CELF2: variants seen among roughly 807,000 people sequenced by gnomAD.
CELF2 encodes the protein CUGBP Elav-like family member 2, also known as CUG triplet repeat RNA-binding protein 2.
In CELF2, 8 loss-of-function variants were observed where a neutral mutation model predicts 62.6. The observed-to-expected ratio is 0.13, with a 90% CI of 0.07 to 0.23. The LOEUF is 0.23. Ranked by LOEUF, CELF2 falls within the 10% of genes least tolerant of loss-of-function variation. CELF2 has a pLI of 1.00. For synonymous variants in CELF2, 258 were observed against 250.0 expected, an observed-to-expected ratio of 1.03 and a Z score of -0.30; for missense variants, 333 against 671.0, an observed-to-expected ratio of 0.50 and a Z score of 5.56.
intron 2 of CELF2, among the ~76,000 whole-genome samples, chr10:10,978,320 T>A (rs993786211): frequency 6.6e-6 from 1 of 152,200 alleles, no homozygotes; most frequent in African/African-American, 2.4e-5. Context: ...GTTCTAATAA[T>A]GTAAGTCTTG....
intron 2 of CELF2, among the ~76,000 whole-genome samples, chr10:11,195,392 A>G (rs1320436680): frequency 2.0e-5 from 3 of 152,172 alleles, no homozygotes; most frequent in African/African-American, 7.2e-5. Flanking sequence ...TGCTTTTGCT[A>G]CATGAAGTCA....
Position 10,995,670 on chromosome 10 carries a change from G to A in CELF2, c.89+75671G>A, listed in dbSNP as rs1308070514. 6.6e-6 allele frequency among the ~76,000 whole-genome samples: 1 copy of A among 152,186 alleles called. No individual in the cohort carries two copies. Among genetic ancestry groups the A allele is most frequent in the Admixed American group, 6.5e-5 (1 of 15,276 alleles). On this transcript the variant is annotated intron_variant, in intron 2 of 13. Coordinates refer to the CELF2 transcript ENST00000636488. This position sits in a 1 kb window ranked among gnomAD's most constrained non-coding sequence, Gnocchi z 4.7. ...TTCAAAGAGTTGTAAGCGGGAGACA[G>A]CTATGACCATATTTCAGTATTAAAT...
the CELF2 span, among the ~76,000 whole-genome samples, chr10:10,598,664 A>AATTC: frequency 3.9e-4 from 59 of 152,220 alleles, no homozygotes; most frequent in African/African-American, 1.4e-3. Context: ...GAAACTAAAG[A>AATTC]ATTCAGACCT....
At position 11,300,497 on chromosome 10, in the gene CELF2, G is replaced by A. The variant is rs1408882039; in HGVS notation, c.976+11945G>A. 3.3e-5 allele frequency among the ~76,000 whole-genome samples: 5 copies of A among 152,230 alleles called. No individual in the cohort carries two copies. Among genetic ancestry groups the A allele is most frequent in the Non-Finnish European group, 7.3e-5 (5 of 68,032 alleles). On this transcript the variant is annotated intron_variant, in intron 9 of 12. Coordinates refer to ENST00000633077, the MANE Select transcript of CELF2 (RefSeq NM_001326342.2). The surrounding 1 kb of genome is among the most constrained non-coding windows in gnomAD (Gnocchi z 5.5). The stretch of plus-strand genomic sequence containing the variant: ...GAGTGTGAGGTCACACCTCACCACT[G>A]CAGCGCCCAGTGTCACTTTCCAACC...
the CELF2 span, among the ~76,000 whole-genome samples, chr10:10,621,323 T>G: frequency 5.9e-5 from 9 of 151,896 alleles, no homozygotes; most frequent in African/African-American, 1.9e-4. Context: ...ATGTGCAGTG[T>G]AAACATCAGA....
intron 9 of CELF2, among the ~76,000 whole-genome samples, chr10:11,298,966 G>C (rs942644161): frequency 6.6e-6 from 1 of 152,212 alleles, no homozygotes; most frequent in Non-Finnish European, 1.5e-5. Context: ...TGGAAAACAA[G>C]TATCTCCCCA....
At chr10:11,054,738 G>A (rs1436959742) in intron 1 of CELF2, among the ~76,000 whole-genome samples, 2 of 151,790 alleles carry the variant, frequency 1.3e-5, no homozygotes, top group Middle Eastern at 3.4e-3. Flanking sequence ...TTTTTTCTTT[G>A]GAGTCTTGCT....
chr10:10,693,482 T>G, the CELF2 span, among the ~76,000 whole-genome samples: 1 of 151,954 alleles, frequency 6.6e-6, no homozygotes, highest in African/African-American at 2.4e-5. Flanking sequence ...TTTTTTTGGC[T>G]GTGTCTCTGC....
At chr10:10,846,930 T>C (rs11256863) in intron 1 of CELF2, among the ~76,000 whole-genome samples, 10,192 of 152,222 alleles carry the variant, frequency 0.067, 471 homozygotes, top group East Asian at 0.21. Flanking sequence ...CTGTTTGTAA[T>C]GCCTTCTTGC....
At chr10:10,781,352 A>G in the CELF2 span, among the ~76,000 whole-genome samples, 2 of 152,220 alleles carry the variant, frequency 1.3e-5, no homozygotes, top group Non-Finnish European at 2.9e-5. Context: ...GTCTGTTCTC[A>G]TGCTGCAAAT....
the CELF2 span, among the ~76,000 whole-genome samples, chr10:10,706,462 A>G: frequency 5.3e-5 from 8 of 152,282 alleles, 1 homozygote; most frequent in East Asian, 1.2e-3. Flanking sequence ...AGCATCCTCT[A>G]TCAACATCCT....
At chr10:11,261,068 AC>A (rs2080392362) in intron 5 of CELF2, among the ~76,000 whole-genome samples, 1 of 152,236 alleles carries the variant, frequency 6.6e-6, no homozygotes, top group Non-Finnish European at 1.5e-5. Flanking sequence ...GTACCTTCTA[AC>A]ACAAAACCAG....
In CELF2 at chr10:11,335,951, T is replaced by C. The variant is rs2096111656; in HGVS notation, c.*6898T>C. Reference sequence around the variant, plus strand: ...AGTTCCTTTAAGCACTTACTGACTGTAAAGTTGGTCCCTGCTTAAATTCAT... The same window carrying C: ...AGTTCCTTTAAGCACTTACTGACTGCAAAGTTGGTCCCTGCTTAAATTCAT... On this transcript the variant is annotated 3_prime_UTR_variant, in exon 13 of 13. Transcript: ENST00000633077. The surrounding 1 kb of genome is among the most constrained non-coding windows in gnomAD (Gnocchi z 5.0). 6.6e-6 allele frequency: 1 copy of C among 152,246 alleles called. No homozygotes were observed. The highest frequency in any genetic ancestry group is 2.4e-5 in the African/African-American group (1 of 41,460). 9.4% of individuals were successfully genotyped at this position (152,246 alleles called of 1,614,324 possible). A position where few individuals can be genotyped will look rare whatever the true frequency, so the allele number is the denominator to read the frequency against.
the CELF2 span, among the ~76,000 whole-genome samples, chr10:10,770,903 C>T: frequency 1.3e-5 from 2 of 152,246 alleles, no homozygotes; most frequent in Admixed American, 1.3e-4. Flanking sequence ...GTCAGAGTCA[C>T]CTGTGGTGCT....
the CELF2 span, among the ~76,000 whole-genome samples, chr10:10,688,924 A>G: frequency 6.6e-6 from 1 of 152,064 alleles, no homozygotes; most frequent in Non-Finnish European, 1.5e-5. Flanking sequence ...GAATTGCTTG[A>G]GCCCAGGAAT....
the CELF2 span, among the ~76,000 whole-genome samples, chr10:10,770,846 A>C: frequency 2.0e-4 from 30 of 152,114 alleles, no homozygotes; most frequent in Non-Finnish European, 3.7e-4. Flanking sequence ...CAGAAAATAG[A>C]CTCCTAATGA....
At chr10:10,471,596 A>G in the CELF2 span, among the ~76,000 whole-genome samples, 1 of 151,546 alleles carries the variant, frequency 6.6e-6, no homozygotes, top group South Asian at 2.1e-4. Context: ...ATTTCCATTT[A>G]CTTTCTGGCT....
intron 2 of CELF2, among the ~76,000 whole-genome samples, chr10:11,195,419 A>C (rs971584186): frequency 4.6e-5 from 7 of 152,206 alleles, no homozygotes; most frequent in Non-Finnish European, 1.0e-4. Flanking sequence ...CCTTGAAGCC[A>C]GACTTAGGTA....
chr10:10,996,194 A>G (rs916372532), intron 2 of CELF2, among the ~76,000 whole-genome samples: 6 of 152,230 alleles, frequency 3.9e-5, no homozygotes, highest in African/African-American at 9.7e-5. Flanking sequence ...ATTGAACCCA[A>G]CTGGCCTGCT....
Sources: allele counts gnomAD v4.1 joint callset (sites outside exome capture counted in the v4.1 genomes callset), GRCh38; gene constraint gnomAD v4.1.1; non-coding constraint Gnocchi (gnomAD v3.1); transcripts MANE v1.5; gene names NCBI Gene and HGNC (gene_info 2026-07-23, HGNC 2026-07-21).